POT1: variants seen among roughly 807,000 people sequenced by gnomAD.
The protein encoded by POT1 is protection of telomeres 1, also known as protection of telomeres protein 1.
In POT1, 47 loss-of-function variants were observed where a neutral mutation model predicts 78.5. That is an observed-to-expected ratio of 0.60 (90% CI 0.47 to 0.76). The LOEUF (loss-of-function observed/expected upper bound fraction) is 0.76. POT1 is among the 30% of genes least tolerant of loss of function. The pLI is 0.00. For missense variants in POT1, 646 were observed against 749.9 expected (o/e 0.86, Z 1.62); for synonymous variants, 259 against 260.7 (o/e 0.99, Z 0.06).
rs971955731 is a variant in POT1 at position 124,835,487 on chromosome 7, G to A, written c.1370-73C>T. On this transcript the variant is annotated intron_variant, in intron 14 of 18. Transcript: ENST00000357628. Reference sequence around the variant, plus strand: ...GACAAGTACAGTCCTATTAAATAACGTGTGAGGTATAATAAAAGACTAAAG... The same window carrying A: ...GACAAGTACAGTCCTATTAAATAACATGTGAGGTATAATAAAAGACTAAAG... The A allele has an allele frequency of 4.3e-5, 63 of 1,469,500 alleles. 1 individual carries two copies. The South Asian group carries it at 4.6e-4, about 11-fold the overall frequency. The allele number at this position is 1,469,500 out of a possible 1,614,324, so 91.0% of individuals were successfully genotyped here. A position where few individuals can be genotyped will look rare whatever the true frequency, so the allele number is the denominator to read the frequency against.
intron 2 of POT1, among the ~76,000 whole-genome samples, chr7:124,917,457 C>A (rs555908360): frequency 3.0e-4 from 45 of 152,208 alleles, no homozygotes; most frequent in Admixed American, 2.7e-3. Flanking sequence ...TAACTCTAAA[C>A]CCGACTAGAT....
chr7:124,853,703 G>A (rs1795373309), intron 9 of POT1, among the ~76,000 whole-genome samples: 1 of 140,390 alleles, frequency 7.1e-6, no homozygotes, highest in Non-Finnish European at 1.6e-5. Flanking sequence ...ACCACAGTGT[G>A]AAACACTCCT....
chr7:124,843,471 G>A (rs1166592865), intron 12 of POT1, among the ~76,000 whole-genome samples: 1 of 152,158 alleles, frequency 6.6e-6, no homozygotes, highest in Non-Finnish European at 1.5e-5. Context: ...CAGGAGTGGT[G>A]TAGTAGTGGA....
intron 6 of POT1, among the ~76,000 whole-genome samples, chr7:124,873,418 T>A (rs1795916036): frequency 6.6e-6 from 1 of 152,232 alleles, no homozygotes; most frequent in African/African-American, 2.4e-5. Flanking sequence ...TTTGCATATG[T>A]GGAACCACCC....
intron 8 of POT1, among the ~76,000 whole-genome samples, chr7:124,859,707 G>A (rs1004686935): frequency 3.4e-5 from 5 of 147,088 alleles, no homozygotes; most frequent in Non-Finnish European, 6.0e-5. Flanking sequence ...TATAAATGAC[G>A]CCTGGTTATT....
At chr7:124,845,925 T>C (rs1002529820) in intron 12 of POT1, among the ~76,000 whole-genome samples, 6 of 152,180 alleles carry the variant, frequency 3.9e-5, no homozygotes, top group Admixed American at 1.3e-4. Flanking sequence ...AGTTTCATCA[T>C]TAACTGAGAA....
chr7:124,851,729 C>T, intron 11 of POT1, 143 bp downstream of exon 11: 4 of 657,908 alleles, frequency 6.1e-6, no homozygotes, highest in South Asian at 2.0e-5. Flanking sequence ...TGGCATAGGC[C>T]ACAGATAAAG....
intron 7 of POT1, 27 bp from the exon 8 acceptor site, chr7:124,863,667 C>T: frequency 6.5e-7 from 1 of 1,542,084 alleles, no homozygotes; most frequent in African/African-American, 1.4e-5. Context: ...AAGTAGAAAA[C>T]AGATACAAAT....
chr7:124,900,016 T>A (rs1373250264), intron 3 of POT1, among the ~76,000 whole-genome samples: 1 of 152,142 alleles, frequency 6.6e-6, no homozygotes, highest in African/African-American at 2.4e-5. Context: ...CAGTAAAAAG[T>A]TACAACCCTT....
chr7:124,850,027 C>A (rs971330306), intron 11 of POT1, among the ~76,000 whole-genome samples: 1 of 151,922 alleles, frequency 6.6e-6, no homozygotes, highest in Non-Finnish European at 1.5e-5. Context: ...GATATTATGA[C>A]ACATATTACA....
chr7:124,911,701 AC>A (rs1796893705), intron 3 of POT1, among the ~76,000 whole-genome samples: 1 of 152,172 alleles, frequency 6.6e-6, no homozygotes, highest in African/African-American at 2.4e-5. Flanking sequence ...AACTGATTTA[AC>A]AGTTCTTCAC....
chr7:124,871,129 C>T, intron 6 of POT1, 88 bp from the exon 7 acceptor site: 1 of 1,111,540 alleles, frequency 9.0e-7, no homozygotes, highest in South Asian at 2.0e-5. Flanking sequence ...AACACCAAAC[C>T]TTATTCTTCC....
intron 8 of POT1, among the ~76,000 whole-genome samples, chr7:124,860,928 G>A (rs894758969): frequency 2.6e-5 from 4 of 152,140 alleles, no homozygotes; most frequent in African/African-American, 9.7e-5. Flanking sequence ...CCTTGCAAAG[G>A]ATATGAACTT....
intron 3 of POT1, among the ~76,000 whole-genome samples, chr7:124,913,474 A>G (rs1483870579): frequency 6.6e-6 from 1 of 152,090 alleles, no homozygotes; most frequent in African/African-American, 2.4e-5. Flanking sequence ...AAATTTTTAC[A>G]TTTTTATGAA....
In POT1 at chr7:124,902,048, G is replaced by C. The variant is rs186198046; in HGVS notation, c.-153-3674C>G. On this transcript the variant is annotated intron_variant, in intron 3 of 18. Transcript: ENST00000357628. ...ATAAGAAAAGACCAAATCTACATTT[G>C]ATTGGTGTACCTAAAAGTGATGGGG... Among the ~76,000 whole-genome samples the C allele has an allele frequency of 5.6e-3, 856 of 152,286 alleles. 8 individuals carry two copies. The highest frequency in any genetic ancestry group is 0.024 in the Middle Eastern group (7 of 294).
intron 9 of POT1, among the ~76,000 whole-genome samples, chr7:124,855,876 T>G (rs779364715): frequency 5.9e-5 from 9 of 152,002 alleles, no homozygotes; most frequent in Non-Finnish European, 1.2e-4. Context: ...ACCACGTATA[T>G]TTTATAATTA....
intron 7 of POT1, among the ~76,000 whole-genome samples, chr7:124,866,307 G>C (rs1183135648): frequency 4.1e-5 from 1 of 24,508 alleles, no homozygotes; most frequent in African/African-American, 2.0e-4. Flanking sequence ...GCTACTTTTG[G>C]GGGGTGAAAC....
chr7:124,850,272 AC>A (rs1374919000), intron 11 of POT1, among the ~76,000 whole-genome samples: 1 of 152,228 alleles, frequency 6.6e-6, no homozygotes, highest in Non-Finnish European at 1.5e-5. Flanking sequence ...TAAAGTATGT[AC>A]AAAAACTCAA....
chr7:124,865,593 T>A (rs187132031), intron 7 of POT1, among the ~76,000 whole-genome samples: 135 of 152,108 alleles, frequency 8.9e-4, no homozygotes, highest in Admixed American at 1.1e-3. Context: ...TCTATTTTTT[T>A]AATAGTTTCC....
Sources: gnomAD v4.1 joint callset for allele counts (sites outside exome capture counted in the v4.1 genomes callset) on GRCh38, gnomAD v4.1.1 for gene constraint, MANE v1.5 for transcripts, NCBI Gene and HGNC (gene_info 2026-07-23, HGNC 2026-07-21) for gene names.